The following SH3PXD2A variants were observed in gnomAD, a reference collection of about 807,000 sequenced individuals.
The protein encoded by SH3PXD2A is SH3 and PX domain-containing protein 2A.
A neutral mutation model predicts 115.2 loss-of-function variants in SH3PXD2A; 32 were observed. The ratio of observed to expected loss-of-function variants is 0.28; its 90% confidence interval spans 0.21 to 0.37. The LOEUF is 0.37. SH3PXD2A is among the 10% of genes least tolerant of loss of function. The pLI is 1.00. For synonymous variants in SH3PXD2A, 610 were observed against 629.1 expected, an observed-to-expected ratio of 0.97 and a Z score of 0.45; for missense variants, 1,328 against 1,498.7, an observed-to-expected ratio of 0.89 and a Z score of 1.88.
chr10:103,824,678 C>T (rs1178456339), intron 1 of SH3PXD2A, among the ~76,000 whole-genome samples: 1 of 152,180 alleles, frequency 6.6e-6, no homozygotes, highest in African/African-American at 2.4e-5. Context: ...CCTGTGTCTC[C>T]ACCATCCAGG....
At position 103,720,740 on chromosome 10, in the gene SH3PXD2A, G is replaced by A. The variant is rs563207992; in HGVS notation, c.398+3530C>T. Among the ~76,000 whole-genome samples the A allele has an allele frequency of 6.6e-5, 10 of 152,370 alleles. No individual in the cohort carries two copies. The South Asian group carries it at 2.1e-3, about 32-fold the overall frequency. ...ACAGTCGCCTGGAAAGGTCCAAACA[G>A]CCGGAGAGGGAGGAGGTGCAGGCAC... is the stretch of plus-strand genomic sequence containing the variant. On this transcript the variant is annotated intron_variant, in intron 5 of 14. Transcript: ENST00000369774.
chr10:103,849,842 G>A (rs1273734650), intron 1 of SH3PXD2A, among the ~76,000 whole-genome samples: 1 of 152,060 alleles, frequency 6.6e-6, no homozygotes, highest in Admixed American at 6.5e-5. Flanking sequence ...CTGTCCCCTG[G>A]GTCCCTATCC....
chr10:103,604,190 T>C (rs2036265972), intron 14 of SH3PXD2A, among the ~76,000 whole-genome samples: 1 of 152,196 alleles, frequency 6.6e-6, no homozygotes, highest in African/African-American at 2.4e-5. Context: ...TCGATGTTGC[T>C]AGGTCCTCCC....
chr10:103,607,263 CGCCCCGTCTG>C (rs2036330458), intron 13 of SH3PXD2A, among the ~76,000 whole-genome samples: 1 of 151,682 alleles, frequency 6.6e-6, no homozygotes, highest in Non-Finnish European at 1.5e-5. Flanking sequence ...GCCTGGCAAC[CGCCCCGTCTG>C]AGAAGTGAGG....
intron 6 of SH3PXD2A, among the ~76,000 whole-genome samples, chr10:103,674,637 T>C (rs7914035): frequency 3.9e-4 from 59 of 152,206 alleles, no homozygotes; most frequent in African/African-American, 1.4e-3. Flanking sequence ...CTGGCCAACA[T>C]GGTGAAACCC....
chr10:103,594,468 A>C lies in SH3PXD2A; in HGVS notation c.*7348T>G. On this transcript the variant is annotated 3_prime_UTR_variant, in exon 15 of 15. Coordinates refer to ENST00000369774, the MANE Select transcript of SH3PXD2A (RefSeq NM_001394015.1). The stretch of plus-strand genomic sequence containing the variant: ...TAAGAGCTGGGAGGGGAATTCCATG[A>C]GGAATTCTCCAAGGTTCTGGAGCTC... 1 of 152,384 alleles carries C rather than the reference A, an allele frequency of 6.6e-6. No homozygotes were observed. 9.4% of individuals were successfully genotyped at this position (152,384 alleles called of 1,614,324 possible).
intron 6 of SH3PXD2A, chr10:103,678,211 C>A: frequency 8.2e-7 from 1 of 1,225,560 alleles, no homozygotes; most frequent in Non-Finnish European, 1.1e-6. Context: ...TTGCTGGGAG[C>A]CCCTGAGCCT....
At chr10:103,769,230 A>C (rs553888243) in intron 2 of SH3PXD2A, among the ~76,000 whole-genome samples, 1 of 150,846 alleles carries the variant, frequency 6.6e-6, no homozygotes. Flanking sequence ...TTGTCCACCC[A>C]TCCAGCTCTA....
At position 103,824,319 on chromosome 10, in the gene SH3PXD2A, C is replaced by T. The variant is rs200997071; in HGVS notation, c.73-22957G>A. Among the ~76,000 whole-genome samples the T allele has an allele frequency of 7.9e-5, 12 of 152,328 alleles. No homozygotes were observed. The East Asian group carries it at 2.3e-3, about 29-fold the overall frequency. On this transcript the variant is annotated intron_variant, in intron 1 of 14. Transcript: ENST00000369774. ...AAGCTCTCCCTTAGCTTCTAATATT[C>T]TCTGTTCTCTGGGCTTTTCTGTGGC...
chr10:103,671,472 C>A lies in SH3PXD2A; in HGVS notation c.428-2820G>T, dbSNP rs143207265. On this transcript the variant is annotated intron_variant, in intron 6 of 14. Coordinates refer to ENST00000369774, the MANE Select transcript of SH3PXD2A (RefSeq NM_001394015.1). The stretch of plus-strand genomic sequence containing the variant: ...AAATGGGAAGCAGACCAGAAGTAAG[C>A]CTGTCTTTTTAAAAAGAAACCTCTC... 5.1e-4 allele frequency among the ~76,000 whole-genome samples: 78 copies of A among 152,312 alleles called. No homozygotes were observed. The East Asian group carries it at 0.014, about 27-fold the overall frequency.
At chr10:103,671,768 G>T (rs558282989) in intron 6 of SH3PXD2A, among the ~76,000 whole-genome samples, 8 of 152,246 alleles carry the variant, frequency 5.3e-5, no homozygotes, top group South Asian at 2.1e-4. Context: ...AAGGAGCAGT[G>T]GGGGGGAGGC....
intron 2 of SH3PXD2A, among the ~76,000 whole-genome samples, chr10:103,767,810 G>GTGTTTT (rs2038771295): frequency 1.5e-5 from 1 of 67,742 alleles, no homozygotes; most frequent in African/African-American, 5.6e-5. Context: ...CAACTGTTTT[G>GTGTTTT]TTTTTTTTTT....
intron 5 of SH3PXD2A, among the ~76,000 whole-genome samples, chr10:103,709,977 C>T (rs777218789): frequency 2.6e-5 from 4 of 151,896 alleles, no homozygotes; most frequent in Admixed American, 6.6e-5. Flanking sequence ...CACCTGTAAT[C>T]CCAGCTACTT....
intron 5 of SH3PXD2A, among the ~76,000 whole-genome samples, chr10:103,700,267 G>T (rs151015303): frequency 1.3e-5 from 2 of 152,210 alleles, no homozygotes; most frequent in African/African-American, 4.8e-5. Flanking sequence ...CTGTACCTTC[G>T]GTTGTAAAAG....
chr10:103,647,059 G>C (rs182293533), intron 8 of SH3PXD2A, among the ~76,000 whole-genome samples: 23 of 151,814 alleles, frequency 1.5e-4, no homozygotes, highest in African/African-American at 5.1e-4. Context: ...AGTCAGGGGT[G>C]GGGGGATGGA....
intron 8 of SH3PXD2A, among the ~76,000 whole-genome samples, chr10:103,650,337 C>T (rs1192292056): frequency 6.6e-6 from 1 of 152,258 alleles, no homozygotes; most frequent in Non-Finnish European, 1.5e-5. Flanking sequence ...CTCAAACTCA[C>T]TATGATGCTG....
At chr10:103,676,382 G>A (rs1444006280) in intron 6 of SH3PXD2A, among the ~76,000 whole-genome samples, 1 of 152,132 alleles carries the variant, frequency 6.6e-6, no homozygotes, top group Non-Finnish European at 1.5e-5. Context: ...TGCAGTGGGG[G>A]CTGGGCCTGG....
At chr10:103,687,871 C>T (rs2037699027) in intron 6 of SH3PXD2A, among the ~76,000 whole-genome samples, 1 of 152,218 alleles carries the variant, frequency 6.6e-6, no homozygotes, top group Non-Finnish European at 1.5e-5. Flanking sequence ...ACAGGCCTCC[C>T]TACTGCATCA....
At chr10:103,697,215 T>G (rs2037835788) in intron 5 of SH3PXD2A, among the ~76,000 whole-genome samples, 1 of 152,138 alleles carries the variant, frequency 6.6e-6, no homozygotes, top group Non-Finnish European at 1.5e-5. Context: ...ACGAGGACAA[T>G]AATAGCACCA....
Sources: gnomAD v4.1 joint callset for allele counts (sites outside exome capture counted in the v4.1 genomes callset) on GRCh38, gnomAD v4.1.1 for gene constraint, MANE v1.5 for transcripts, NCBI Gene and HGNC (gene_info 2026-07-23, HGNC 2026-07-21) for gene names.